Variants in NYAP2 observed in about 807,000 individuals in gnomAD.
NYAP2 encodes the protein neuronal tyrosine-phosphorylated phosphoinositide-3-kinase adapter 2.
A neutral mutation model predicts 50.4 loss-of-function variants in NYAP2; 23 were observed. The observed-to-expected ratio is 0.46, with a 90% CI of 0.33 to 0.65. The LOEUF (loss-of-function observed/expected upper bound fraction) is 0.65, where lower values mean the gene tolerates loss of function less well. Ranked by LOEUF, NYAP2 falls within the 30% of genes least tolerant of loss-of-function variation. The probability of loss-of-function intolerance (pLI) is 0.02; values close to 1 mark genes in which losing one functional copy is unlikely to be tolerated. For synonymous variants in NYAP2, 394 were observed against 365.2 expected (o/e 1.08, Z -0.90); for missense variants, 885 against 861.0 (o/e 1.03, Z -0.35).
the NYAP2 span, among the ~76,000 whole-genome samples, chr2:225,671,744 AAAT>A: frequency 6.6e-6 from 1 of 152,148 alleles, no homozygotes; most frequent in Admixed American, 6.6e-5. Flanking sequence ...TAGATTTCTT[AAAT>A]AATAAGATTT....
chr2:225,621,780 T>C (rs1426292970), intron 5 of NYAP2, among the ~76,000 whole-genome samples: 1 of 152,122 alleles, frequency 6.6e-6, no homozygotes, highest in East Asian at 1.9e-4. Flanking sequence ...TATATAGGTA[T>C]ACACATGCCA....
At chr2:225,431,634 ACTCT>A (rs1209218399) in intron 3 of NYAP2, among the ~76,000 whole-genome samples, 3 of 150,086 alleles carry the variant, frequency 2.0e-5, no homozygotes, top group Admixed American at 6.6e-5. Flanking sequence ...CTTCCTCTGA[ACTCT>A]CTCTCTCTCT....
chr2:225,428,071 G>T (rs1221107491), intron 3 of NYAP2, among the ~76,000 whole-genome samples: 2 of 152,126 alleles, frequency 1.3e-5, no homozygotes, highest in African/African-American at 2.4e-5. Flanking sequence ...GTATGCAAAA[G>T]GGGTTGATTT....
intron 5 of NYAP2, among the ~76,000 whole-genome samples, chr2:225,583,391 G>C (rs1358325766): frequency 6.6e-6 from 1 of 152,082 alleles, no homozygotes; most frequent in Admixed American, 6.6e-5. Flanking sequence ...CGGAGTACGT[G>C]GTCTTGGGGC....
At chr2:225,418,815 A>G (rs1336333900) in intron 3 of NYAP2, among the ~76,000 whole-genome samples, 1 of 152,248 alleles carries the variant, frequency 6.6e-6, no homozygotes, top group Non-Finnish European at 1.5e-5. Context: ...AATTTTGAAT[A>G]CTTTTATAAA....
In NYAP2 at chr2:225,487,213, G is replaced by A. The variant is rs142949759; in HGVS notation, c.222-26158G>A. On this transcript the variant is annotated intron_variant, in intron 3 of 6. Coordinates refer to ENST00000636099, the Ensembl canonical transcript of NYAP2. ...GGCCTTGGCCACAAGCTAGTATTTCGGCAGGAAGTAAATGGAGTGGACAGT... is the reference window on the plus strand; with the variant it reads ...GGCCTTGGCCACAAGCTAGTATTTCAGCAGGAAGTAAATGGAGTGGACAGT... Among the ~76,000 whole-genome samples, 47 of 152,248 alleles carry A rather than the reference G, an allele frequency of 3.1e-4. No individual in the cohort carries two copies. The East Asian group carries it at 7.5e-3, about 24-fold the overall frequency.
chr2:225,698,197 G>A, the NYAP2 span: 1 of 151,824 alleles, frequency 6.6e-6, no homozygotes, highest in Non-Finnish European at 1.5e-5. Flanking sequence ...AAACTAAAAA[G>A]AATTTTAGAA....
At chr2:225,549,746 C>T (rs1367862342) in intron 4 of NYAP2, among the ~76,000 whole-genome samples, 1 of 152,094 alleles carries the variant, frequency 6.6e-6, no homozygotes, top group African/African-American at 2.4e-5. Context: ...CTTTGGGAGG[C>T]TGACGTGGGT....
chr2:225,431,637 C>T (rs1327291699), intron 3 of NYAP2, among the ~76,000 whole-genome samples: 2 of 151,888 alleles, frequency 1.3e-5, no homozygotes, highest in Non-Finnish European at 2.9e-5. Context: ...CCTCTGAACT[C>T]TCTCTCTCTC....
chr2:225,562,977 C>G (rs1380599220), intron 4 of NYAP2, among the ~76,000 whole-genome samples: 1 of 152,088 alleles, frequency 6.6e-6, no homozygotes, highest in South Asian at 2.1e-4. Flanking sequence ...TCCCCACTTA[C>G]CCACTTCATG....
chr2:225,657,300 C>T (rs376673231), downstream of NYAP2, among the ~76,000 whole-genome samples: 24 of 151,584 alleles, frequency 1.6e-4, no homozygotes, highest in East Asian at 2.7e-3. Flanking sequence ...TTAGTAGAGA[C>T]GGGGTTTCAC....
chr2:225,522,999 C>G (rs993589002), intron 4 of NYAP2, among the ~76,000 whole-genome samples: 1 of 152,034 alleles, frequency 6.6e-6, no homozygotes, highest in African/African-American at 2.4e-5. Context: ...TAGAAACAAC[C>G]TGGAGACAGT....
the NYAP2 span, among the ~76,000 whole-genome samples, chr2:225,683,248 A>G: frequency 6.6e-6 from 1 of 152,148 alleles, no homozygotes; most frequent in East Asian, 1.9e-4. Context: ...CCCTATCTAT[A>G]GATGAGAATA....
At chr2:225,621,058 G>C (rs1182089302) in intron 5 of NYAP2, among the ~76,000 whole-genome samples, 1 of 150,586 alleles carries the variant, frequency 6.6e-6, no homozygotes, top group Non-Finnish European at 1.5e-5. Flanking sequence ...AGCTTGCGGT[G>C]AGCTGAGATC....
At chr2:225,531,417 G>A (rs1691251626) in intron 4 of NYAP2, among the ~76,000 whole-genome samples, 1 of 152,166 alleles carries the variant, frequency 6.6e-6, no homozygotes, top group Non-Finnish European at 1.5e-5. Flanking sequence ...TATACTTTGT[G>A]TACAATGCCA....
At chr2:225,404,168 C>T (rs1190744402) in intron 2 of NYAP2, among the ~76,000 whole-genome samples, 1 of 151,908 alleles carries the variant, frequency 6.6e-6, no homozygotes, top group Non-Finnish European at 1.5e-5. Flanking sequence ...GAATAGCCCA[C>T]ATAAATCTAT....
chr2:225,487,218 G>C (rs961384708), intron 3 of NYAP2, among the ~76,000 whole-genome samples: 1 of 152,176 alleles, frequency 6.6e-6, no homozygotes, highest in Non-Finnish European at 1.5e-5. Flanking sequence ...ATTTCGGCAG[G>C]AAGTAAATGG....
intron 5 of NYAP2, among the ~76,000 whole-genome samples, chr2:225,599,445 G>A (rs1482890748): frequency 6.6e-6 from 1 of 152,194 alleles, no homozygotes; most frequent in Non-Finnish European, 1.5e-5. Context: ...CATGAATTAG[G>A]AAGAAGAATT....
chr2:225,551,348 T>C (rs1691671475), intron 4 of NYAP2, among the ~76,000 whole-genome samples: 1 of 152,226 alleles, frequency 6.6e-6, no homozygotes, highest in Admixed American at 6.5e-5. Flanking sequence ...TGGAAGCCAT[T>C]GCCATGCTGT....
Sources: gnomAD v4.1 joint callset for allele counts (sites outside exome capture counted in the v4.1 genomes callset) on GRCh38, gnomAD v4.1.1 for gene constraint, MANE v1.5 for transcripts, NCBI Gene and HGNC (gene_info 2026-07-23, HGNC 2026-07-21) for gene names.